The following SPRY3 variants were observed in gnomAD, a reference collection of about 807,000 sequenced individuals.
The protein encoded by SPRY3 is protein sprouty homolog 3.
Under a neutral mutation model 20.2 loss-of-function variants are expected in SPRY3, and 15 were observed. That is an observed-to-expected ratio of 0.74 (90% CI 0.50 to 1.14). SPRY3 has a LOEUF of 1.14. Ranked by LOEUF, SPRY3 falls within the 50% of genes most tolerant of loss-of-function variation. The pLI, the probability that SPRY3 is intolerant of heterozygous loss-of-function variation, is 0.00. For synonymous variants in SPRY3, 143 were observed against 136.5 expected, an observed-to-expected ratio of 1.05 and a Z score of -0.33; for missense variants, 364 against 363.9, an observed-to-expected ratio of 1.00 and a Z score of 0.00.
exon 4 of SPRY3, chrX:155,773,969 C>A (rs1331024974): frequency 5.0e-6 from 8 of 1,613,982 alleles, no homozygotes; most frequent in South Asian, 2.2e-5. Context: ...CGGCCTCCAG[C>A]CCCCTGTAAA....
chrX:155,619,376 G>T (rs1164340182), intron 1 of SPRY3, among the ~76,000 whole-genome samples: 2 of 109,229 alleles, frequency 1.8e-5, no homozygotes, highest in Non-Finnish European at 3.8e-5. Context: ...TTTGTATTTG[G>T]TTCCATTGAT....
At chrX:155,715,985 C>T (rs750996099) in intron 2 of SPRY3, among the ~76,000 whole-genome samples, 1 of 152,254 alleles carries the variant, frequency 6.6e-6, no homozygotes, top group East Asian at 1.9e-4. Flanking sequence ...CTCTCTTGCC[C>T]TCCTCAATGC....
At chrX:155,737,518 G>A (rs966346616) in intron 2 of SPRY3, among the ~76,000 whole-genome samples, 1 of 152,156 alleles carries the variant, frequency 6.6e-6, no homozygotes, top group African/African-American at 2.4e-5. Flanking sequence ...ATATAACGCA[G>A]ATGGGGAGTT....
intron 2 of SPRY3, among the ~76,000 whole-genome samples, chrX:155,674,197 T>C (rs925223139): frequency 9.0e-6 from 1 of 111,026 alleles, no homozygotes; most frequent in Non-Finnish European, 1.9e-5. Context: ...CAAACGCAAC[T>C]AGCCTGGAGG....
chrX:155,762,228 C>A (rs1354969310), intron 2 of SPRY3, among the ~76,000 whole-genome samples: 1 of 152,098 alleles, frequency 6.6e-6, no homozygotes, highest in Non-Finnish European at 1.5e-5. Context: ...TTTTTCTCAA[C>A]AAGAGTTTAT....
At chrX:155,631,758 T>A (rs996699752) in intron 1 of SPRY3, among the ~76,000 whole-genome samples, 3 of 111,908 alleles carry the variant, frequency 2.7e-5, no homozygotes, top group Non-Finnish European at 3.8e-5. Context: ...TTTTTAGTTA[T>A]AGGATTTATT....
Position 155,700,633 on chromosome X carries a change from TA to T in SPRY3, c.-282+43609del, listed in dbSNP as rs1340259124. The stretch of plus-strand genomic sequence containing the variant: ...ATGAAGTTCTTTTTTTTTTTTTTTT[TA>T]TTATACTCTAAGTTTTAGGGTACAT... On this transcript the variant is annotated intron_variant, in intron 2 of 3. Transcript: ENST00000675360. Among the ~76,000 whole-genome samples, 30 of 81,318 alleles carry T rather than the reference TA, an allele frequency of 3.7e-4. 3 individuals are homozygous for T. The highest frequency in any genetic ancestry group is 1.3e-3 in the African/African-American group (20 of 15,387). The allele number at this position is 81,318 out of a possible 115,157, so 70.6% of individuals were successfully genotyped here.
chrX:155,653,297 G>C (rs2067982642), intron 1 of SPRY3, among the ~76,000 whole-genome samples: 1 of 111,754 alleles, frequency 8.9e-6, no homozygotes, highest in Non-Finnish European at 1.9e-5. Flanking sequence ...TGCTTTTGGT[G>C]CCATATCTAA....
chrX:155,671,127 T>G (rs2068039202), intron 2 of SPRY3, among the ~76,000 whole-genome samples: 1 of 111,898 alleles, frequency 8.9e-6, no homozygotes, highest in South Asian at 3.7e-4. Context: ...GGTGTGATAC[T>G]TTATTTTAGA....
chrX:155,657,071 C>T (rs1450697445), intron 2 of SPRY3, among the ~76,000 whole-genome samples: 6 of 111,651 alleles, frequency 5.4e-5, no homozygotes, highest in African/African-American at 2.0e-4. Flanking sequence ...TCAGGAGGCA[C>T]GTGGGTCAGG....
chrX:155,632,247 G>A (rs5940549), intron 1 of SPRY3, among the ~76,000 whole-genome samples: 1,340 of 39,984 alleles, frequency 0.034, 17 homozygotes, highest in African/African-American at 0.072. Flanking sequence ...ACACACACAC[G>A]CACACACACA....
intron 2 of SPRY3, among the ~76,000 whole-genome samples, chrX:155,688,268 C>T (rs930757148): frequency 2.7e-5 from 3 of 110,912 alleles, no homozygotes; most frequent in Non-Finnish European, 5.7e-5. Flanking sequence ...ACCACATTTT[C>T]TTTATCCAGT....
At chrX:155,707,053 T>C (rs1344600814) in intron 2 of SPRY3, among the ~76,000 whole-genome samples, 2 of 151,298 alleles carry the variant, frequency 1.3e-5, no homozygotes, top group African/African-American at 4.8e-5. Context: ...AATTTGCTCT[T>C]GTTTTTCTAG....
intron 2 of SPRY3, among the ~76,000 whole-genome samples, chrX:155,750,164 A>G (rs2091254147): frequency 6.6e-6 from 1 of 151,942 alleles, no homozygotes; most frequent in Non-Finnish European, 1.5e-5. Context: ...TATCCCAAGC[A>G]AACTAATGCA....
At position 155,662,718 on chromosome X, in the gene SPRY3, G is replaced by A. The variant is rs954236720; in HGVS notation, c.-282+5693G>A. Among the ~76,000 whole-genome samples the A allele has an allele frequency of 5.7e-3, 539 of 94,013 alleles. 1 individual carries two copies. The highest frequency in any genetic ancestry group is 7.1e-3 in the Non-Finnish European group (333 of 46,809). 81.6% of individuals were successfully genotyped at this position (94,013 alleles called of 115,157 possible). ...AAAAAAAAAAACTCTACCACCAACA[G>A]AATAGTTATGCATTCAAAGAAATTT... On this transcript the variant is annotated intron_variant, in intron 2 of 3. Coordinates refer to ENST00000675360, the Ensembl canonical transcript of SPRY3.
chrX:155,632,577 A>G (rs1319959383), intron 1 of SPRY3, among the ~76,000 whole-genome samples: 3 of 110,852 alleles, frequency 2.7e-5, no homozygotes, highest in African/African-American at 9.9e-5. Flanking sequence ...TTGTTTTCTC[A>G]TCCTCCAGCA....
exon 4 of SPRY3, chrX:155,775,902 C>T (rs765023277): frequency 1.2e-5 from 2 of 167,154 alleles, no homozygotes; most frequent in South Asian, 4.2e-4. Context: ...TGGAAGGAAT[C>T]TTAACTATTA....
chrX:155,715,519 G>T (rs2091016140), intron 2 of SPRY3, among the ~76,000 whole-genome samples: 1 of 152,090 alleles, frequency 6.6e-6, no homozygotes, highest in Admixed American at 6.5e-5. Context: ...TTTCTGAGTT[G>T]TGAGCTGCAC....
intron 2 of SPRY3, among the ~76,000 whole-genome samples, chrX:155,761,379 A>C (rs1308189356): frequency 2.6e-5 from 4 of 152,080 alleles, no homozygotes; most frequent in Non-Finnish European, 5.9e-5. Context: ...AAAAAAACAG[A>C]ATTTGTTCTT....
Sources: gnomAD v4.1 joint callset for allele counts (sites outside exome capture counted in the v4.1 genomes callset) on GRCh38, gnomAD v4.1.1 for gene constraint, MANE v1.5 for transcripts, NCBI Gene and HGNC (gene_info 2026-07-23, HGNC 2026-07-21) for gene names.